Variants in RPS6KA5 observed in about 807,000 individuals in gnomAD.
RPS6KA5 encodes the protein ribosomal protein S6 kinase alpha-5.
Under a neutral mutation model 85.5 loss-of-function variants are expected in RPS6KA5, and 27 were observed. The ratio of observed to expected loss-of-function variants is 0.32; its 90% CI spans 0.23 to 0.44. The LOEUF is 0.44. Ranked by LOEUF, RPS6KA5 falls within the 20% of genes least tolerant of loss-of-function variation. The pLI is 1.00. For synonymous variants in RPS6KA5, 334 were observed against 348.2 expected (o/e 0.96, Z 0.46); for missense variants, 811 against 980.9 (o/e 0.83, Z 2.31).
intron 3 of RPS6KA5, among the ~76,000 whole-genome samples, chr14:90,969,294 G>T (rs1466081278): frequency 6.6e-6 from 1 of 152,134 alleles, no homozygotes; most frequent in Non-Finnish European, 1.5e-5. Flanking sequence ...TCAAAATTCT[G>T]ACTTTCTAAG....
intron 3 of RPS6KA5, among the ~76,000 whole-genome samples, chr14:90,964,418 T>C (rs2038957177): frequency 6.6e-6 from 1 of 152,198 alleles, no homozygotes; most frequent in Non-Finnish European, 1.5e-5. Flanking sequence ...CTACAAAACA[T>C]AAATATTACA....
chr14:91,042,277 G>A (rs959023697), intron 1 of RPS6KA5, among the ~76,000 whole-genome samples: 4 of 152,084 alleles, frequency 2.6e-5, no homozygotes, highest in African/African-American at 7.2e-5. Context: ...TTGGGAGGCC[G>A]AGGTGGGTGG....
rs1595089814 is a variant in RPS6KA5, at chr14:90,872,006, A to G, written c.*68T>C. ...AACGGGAAACATTTTTAAAAGCATA[A>G]AAGATCGCCTCAGGCATATGCTGAG... On this transcript the variant is annotated 3_prime_UTR_variant, in exon 17 of 17. Coordinates refer to ENST00000614987, the MANE Select transcript of RPS6KA5 (RefSeq NM_004755.4). The G allele has an allele frequency of 6.6e-7, 1 of 1,521,174 alleles. No individual in the cohort carries two copies. The highest frequency in any genetic ancestry group is 2.3e-5 in the East Asian group (1 of 44,120). 94.2% of individuals were successfully genotyped at this position (1,521,174 alleles called of 1,614,324 possible).
intron 5 of RPS6KA5, among the ~76,000 whole-genome samples, chr14:90,934,454 T>C (rs2037157335): frequency 6.6e-6 from 1 of 152,216 alleles, no homozygotes; most frequent in South Asian, 2.1e-4. Context: ...ACACTCAGCA[T>C]AGTTCTGAAT....
intron 14 of RPS6KA5, among the ~76,000 whole-genome samples, chr14:90,880,493 T>C (rs748487804): frequency 1.3e-5 from 2 of 152,260 alleles, no homozygotes; most frequent in Non-Finnish European, 2.9e-5. Context: ...AGTGTATGTA[T>C]ACAGCACATT....
chr14:90,862,360 GC>G lies in RPS6KA5; in HGVS notation c.*9713del, dbSNP rs2032598162. ...ACATCTCCAACTTTTTTTTTATGAG[GC>G]CAGAATAATCTTGATACCAAAACTT... On this transcript the variant is annotated 3_prime_UTR_variant, in exon 17 of 17. Transcript: ENST00000614987. 1 of 151,812 alleles carries G rather than the reference GC, an allele frequency of 6.6e-6. No individual in the cohort carries two copies. The highest frequency in any genetic ancestry group is 1.5e-5 in the Non-Finnish European group (1 of 67,972). The allele number at this position is 151,812 out of a possible 1,614,324, so 9.4% of individuals were successfully genotyped here.
chr14:91,060,150 C>A, intron 1 of RPS6KA5, 182 bp downstream of exon 1: 1 of 982,956 alleles, frequency 1.0e-6, no homozygotes, highest in South Asian at 4.7e-5. Context: ...CCGCCTCCCC[C>A]AAGGCGCGCC....
At chr14:90,906,016 A>C (rs2035480248) in intron 8 of RPS6KA5, 133 bp downstream of exon 8, 5 of 808,558 alleles carry the variant, frequency 6.2e-6, no homozygotes, top group Non-Finnish European at 7.5e-6. Flanking sequence ...ACAAAACAAA[A>C]GGTGCAATGT....
intron 5 of RPS6KA5, among the ~76,000 whole-genome samples, chr14:90,928,852 TG>T (rs2036822327): frequency 6.6e-6 from 1 of 152,094 alleles, no homozygotes; most frequent in East Asian, 1.9e-4. Context: ...ATCCATTTCA[TG>T]GTGCTAGGAC....
intron 5 of RPS6KA5, among the ~76,000 whole-genome samples, chr14:90,938,899 T>C (rs1440430827): frequency 1.3e-5 from 2 of 152,230 alleles, no homozygotes; most frequent in Admixed American, 1.3e-4. Context: ...CCACTTGTTA[T>C]AGTGATTAAC....
chr14:90,947,693 T>G (rs547640372), intron 3 of RPS6KA5, 143 bp from the exon 4 acceptor site: 1 of 536,776 alleles, frequency 1.9e-6, no homozygotes. Flanking sequence ...ATCATGTAGA[T>G]AGAGTTCTAG....
At chr14:90,955,237 T>C (rs2038437153) in intron 3 of RPS6KA5, among the ~76,000 whole-genome samples, 1 of 152,174 alleles carries the variant, frequency 6.6e-6, no homozygotes, top group Non-Finnish European at 1.5e-5. Flanking sequence ...TTTTAGTATG[T>C]AGTGTCTTCA....
intron 1 of RPS6KA5, among the ~76,000 whole-genome samples, chr14:91,027,928 T>C (rs1030704296): frequency 1.1e-4 from 17 of 152,188 alleles, no homozygotes; most frequent in African/African-American, 4.1e-4. Context: ...AGAAGCTGTA[T>C]CTCAAACCTA....
At chr14:91,032,279 C>T (rs1392194362) in intron 1 of RPS6KA5, among the ~76,000 whole-genome samples, 1 of 152,204 alleles carries the variant, frequency 6.6e-6, no homozygotes, top group Non-Finnish European at 1.5e-5. Flanking sequence ...AAAGCTAAAA[C>T]ACATTTAAGC....
chr14:90,923,264 A>AATACATGTTAGTGGTTGAG (rs1248976236), intron 5 of RPS6KA5, 68 bp from the exon 6 acceptor site: 2 of 1,246,576 alleles, frequency 1.6e-6, no homozygotes, highest in Admixed American at 1.7e-5. Context: ...AGAAGAAAGT[A>AATACATGTTAGTGGTTGAG]ATACATGTTA....
chr14:90,957,890 T>A (rs933283444), intron 3 of RPS6KA5, among the ~76,000 whole-genome samples: 1 of 151,700 alleles, frequency 6.6e-6, no homozygotes, highest in Admixed American at 6.6e-5. Context: ...GCATGAAATC[T>A]CAGCACTTGG....
intron 1 of RPS6KA5, among the ~76,000 whole-genome samples, chr14:91,056,805 C>T (rs2043336303): frequency 7.0e-6 from 1 of 142,196 alleles, no homozygotes; most frequent in Non-Finnish European, 1.5e-5. Flanking sequence ...AAAGTCCTAA[C>T]CCATTCTTTG....
At chr14:90,903,249 G>A (rs2035286425) in intron 8 of RPS6KA5, among the ~76,000 whole-genome samples, 1 of 138,010 alleles carries the variant, frequency 7.2e-6, no homozygotes, top group Non-Finnish European at 1.7e-5. Context: ...AAAGACAACA[G>A]AAGAATACTT....
At chr14:90,954,841 A>G (rs2038417006) in intron 3 of RPS6KA5, among the ~76,000 whole-genome samples, 2 of 152,244 alleles carry the variant, frequency 1.3e-5, no homozygotes, top group Admixed American at 6.5e-5. Context: ...TTTATTTCAT[A>G]TAAGTTATCC....
Sources: allele counts gnomAD v4.1 joint callset (sites outside exome capture counted in the v4.1 genomes callset), GRCh38; gene constraint gnomAD v4.1.1; transcripts MANE v1.5; gene names NCBI Gene and HGNC (gene_info 2026-07-23, HGNC 2026-07-21).